IGSF21: variants seen among roughly 807,000 people sequenced by gnomAD.
IGSF21 encodes immunoglobin superfamily member 21.
In IGSF21, 28 loss-of-function variants were observed where a neutral mutation model predicts 46.8. The observed-to-expected ratio is 0.60, with a 90% CI of 0.44 to 0.82. IGSF21 has a LOEUF of 0.82. IGSF21 is among the 40% of genes least tolerant of loss of function. IGSF21 has a pLI of 0.00. For missense variants in IGSF21, 624 were observed against 665.5 expected (o/e 0.94, Z 0.69); for synonymous variants, 284 against 273.6 (o/e 1.04, Z -0.38).
At chr1:18,284,138 A>C (rs1028500965) in intron 2 of IGSF21, among the ~76,000 whole-genome samples, 1 of 152,156 alleles carries the variant, frequency 6.6e-6, no homozygotes, top group Non-Finnish European at 1.5e-5. Context: ...CTCAAGCAAT[A>C]GACAAACTCA....
intron 1 of IGSF21, among the ~76,000 whole-genome samples, chr1:18,158,937 C>T (rs752016957): frequency 4.6e-5 from 7 of 152,188 alleles, no homozygotes; most frequent in Non-Finnish European, 5.9e-5. Context: ...GCGTTACCCC[C>T]AGAGGTAGGA....
At chr1:18,311,459 A>C (rs548334255) in intron 3 of IGSF21, among the ~76,000 whole-genome samples, 224 of 152,284 alleles carry the variant, frequency 1.5e-3, no homozygotes, top group African/African-American at 3.9e-3. Flanking sequence ...GTGACAGTGA[A>C]GGCTGCAGGC....
chr1:18,236,590 G>A (rs182879141), intron 2 of IGSF21, among the ~76,000 whole-genome samples: 2 of 152,298 alleles, frequency 1.3e-5, no homozygotes, highest in Admixed American at 1.3e-4. Context: ...GAAGCCTGGA[G>A]ACTTATACTT....
At chr1:18,243,219 C>T (rs1199923793) in intron 2 of IGSF21, among the ~76,000 whole-genome samples, 2 of 152,196 alleles carry the variant, frequency 1.3e-5, no homozygotes, top group African/African-American at 4.8e-5. Context: ...ATAAGCATCT[C>T]AGACTTAACA....
chr1:18,115,834 G>GAAGA (rs1306571674), intron 1 of IGSF21: 1 of 92,884 alleles, frequency 1.1e-5, no homozygotes, highest in African/African-American at 4.7e-5. Context: ...AGGAAGGAAG[G>GAAGA]AAGGAAGGAA....
At chr1:18,308,458 C>G (rs1274287157) in intron 3 of IGSF21, among the ~76,000 whole-genome samples, 1 of 152,176 alleles carries the variant, frequency 6.6e-6, no homozygotes, top group Non-Finnish European at 1.5e-5. Context: ...CACACACACA[C>G]AAAGAGTTTA....
rs1210291585 is a variant in IGSF21, at chr1:18,334,710, G to A, written c.306-182G>A. ...AGTCCACACCTTCACTGTCTGAGAT[G>A]CCGAGCACAGGGTCTGCATACAGTC... On this transcript the variant is annotated intron_variant, in intron 3 of 9. Transcript: ENST00000251296. This position sits in a 1 kb window ranked among gnomAD's most constrained non-coding sequence, Gnocchi z 4.3. 1.3e-5 allele frequency among the ~76,000 whole-genome samples: 2 copies of A among 152,186 alleles called. No individual in the cohort carries two copies. Among genetic ancestry groups the A allele is most frequent in the African/African-American group, 4.8e-5 (2 of 41,450 alleles).
intron 1 of IGSF21, among the ~76,000 whole-genome samples, chr1:18,120,068 C>T (rs2124406374): frequency 6.6e-6 from 1 of 152,324 alleles, no homozygotes; most frequent in South Asian, 2.1e-4. Context: ...CAAGTTACTT[C>T]AGTCCTTATC....
chr1:18,306,014 C>G (rs1269687794), intron 3 of IGSF21, among the ~76,000 whole-genome samples: 1 of 152,200 alleles, frequency 6.6e-6, no homozygotes, highest in African/African-American at 2.4e-5. Flanking sequence ...TGCATCATGG[C>G]TTCTTGCCAC....
In IGSF21 at chr1:18,335,040, C is replaced by A; in HGVS notation, c.424+30C>A. ...GTGCAGGGCCACTGGCCCCTGGTGT[C>A]TCAGTGAGGAGGACGAGTATGCTTG... On this transcript the variant is annotated intron_variant, in intron 4 of 9. Coordinates refer to ENST00000251296, the MANE Select transcript of IGSF21 (RefSeq NM_032880.5). The surrounding 1 kb of genome is among the most constrained non-coding windows in gnomAD (Gnocchi z 4.8). The A allele has an allele frequency of 6.5e-7, 1 of 1,530,112 alleles. No homozygotes were observed. Among genetic ancestry groups the A allele is most frequent in the Non-Finnish European group, 9.1e-7 (1 of 1,103,406 alleles). The allele number at this position is 1,530,112 out of a possible 1,614,324, so 94.8% of individuals were successfully genotyped here.
chr1:18,141,748 G>C (rs1042420164), intron 1 of IGSF21, among the ~76,000 whole-genome samples: 1 of 152,162 alleles, frequency 6.6e-6, no homozygotes, highest in East Asian at 1.9e-4. Context: ...CAAGTTATTA[G>C]ATGGACATAC....
At chr1:18,308,990 A>G (rs2085454457) in intron 3 of IGSF21, among the ~76,000 whole-genome samples, 1 of 152,052 alleles carries the variant, frequency 6.6e-6, no homozygotes, top group African/African-American at 2.4e-5. Context: ...CCAGGTCCCC[A>G]TACTCATATT....
intron 2 of IGSF21, among the ~76,000 whole-genome samples, chr1:18,281,325 G>A (rs905500381): frequency 6.6e-6 from 1 of 151,996 alleles, no homozygotes; most frequent in Non-Finnish European, 1.5e-5. Flanking sequence ...TTTGGGAGGC[G>A]AGGTGGGTGC....
intron 2 of IGSF21, among the ~76,000 whole-genome samples, chr1:18,261,746 C>A (rs926746461): frequency 6.6e-6 from 1 of 152,208 alleles, no homozygotes; most frequent in African/African-American, 2.4e-5. Context: ...CTGCCTTAAC[C>A]TTGAAGATGC....
Position 18,262,230 on chromosome 1 carries a change from AC to A in IGSF21, c.184-29633del, listed in dbSNP as rs2084953310. The stretch of plus-strand genomic sequence containing the variant: ...GATGGGGAAGCTGGAGTATTTATCC[AC>A]CCACTCCGCATCTGTCCTTGTTGAG... On this transcript the variant is annotated intron_variant, in intron 2 of 9. Coordinates refer to ENST00000251296, the MANE Select transcript of IGSF21 (RefSeq NM_032880.5). Among the ~76,000 whole-genome samples, 3 of 152,104 alleles carry A rather than the reference AC, an allele frequency of 2.0e-5. No individual in the cohort carries two copies. In the South Asian group the frequency reaches 6.2e-4, roughly 32 times the overall value.
chr1:18,147,957 G>A (rs933701097), intron 1 of IGSF21, among the ~76,000 whole-genome samples: 5 of 151,980 alleles, frequency 3.3e-5, no homozygotes, highest in African/African-American at 4.8e-5. Context: ...AGATCTGATG[G>A]CTTTATAAGG....
chr1:18,168,242 C>A (rs2086699074), intron 1 of IGSF21, among the ~76,000 whole-genome samples: 1 of 152,188 alleles, frequency 6.6e-6, no homozygotes, highest in East Asian at 1.9e-4. Context: ...TATATAATAA[C>A]CCTTAAACGC....
Position 18,341,011 on chromosome 1 carries a change from TCTC to T in IGSF21, c.424+6002_424+6004del, listed in dbSNP as rs2085830638. 6.8e-5 allele frequency among the ~76,000 whole-genome samples: 4 copies of T among 59,234 alleles called. No individual in the cohort carries two copies. In the South Asian group the frequency reaches 2.3e-3, roughly 35 times the overall value. 38.9% of individuals were successfully genotyped at this position (59,234 alleles called of 152,430 possible). A position where few individuals can be genotyped will look rare whatever the true frequency, so the allele number is the denominator to read the frequency against. The stretch of plus-strand genomic sequence containing the variant: ...TTCTTCTTCTCCTCCTCCTCCTTCT[TCTC>T]TTCTTCTTCTTCTTCTTCTTCTTCT... On this transcript the variant is annotated intron_variant, in intron 4 of 9. Coordinates refer to ENST00000251296, the MANE Select transcript of IGSF21 (RefSeq NM_032880.5).
intron 2 of IGSF21, among the ~76,000 whole-genome samples, chr1:18,256,463 C>T (rs2124532377): frequency 6.6e-6 from 1 of 152,286 alleles, no homozygotes; most frequent in East Asian, 1.9e-4. Flanking sequence ...TTTCAGGTCA[C>T]CCAGGGAGCC....
Sources: gnomAD v4.1 joint callset for allele counts (sites outside exome capture counted in the v4.1 genomes callset) on GRCh38, gnomAD v4.1.1 for gene constraint, Gnocchi (gnomAD v3.1) non-coding constraint, MANE v1.5 for transcripts, NCBI Gene and HGNC (gene_info 2026-07-23, HGNC 2026-07-21) for gene names.